Variants in JAM2 observed in about 807,000 individuals in gnomAD.
JAM2 encodes junctional adhesion molecule B.
JAM2 carries 17 observed loss-of-function variants against 42.0 expected under a neutral mutation model. That is an observed-to-expected ratio of 0.40 (90% CI 0.28 to 0.61). The LOEUF is 0.61. JAM2 is among the 20% of genes least tolerant of loss of function. The pLI is 0.37. For missense variants in JAM2, 319 were observed against 358.3 expected (o/e 0.89, Z 0.89); for synonymous variants, 118 against 128.6 (o/e 0.92, Z 0.56).
chr21:25,653,000 T>G (rs1257895173), intron 1 of JAM2, among the ~76,000 whole-genome samples: 1 of 152,190 alleles, frequency 6.6e-6, no homozygotes, highest in Non-Finnish European at 1.5e-5. Flanking sequence ...CTGAAGCAAT[T>G]GACCCTGTTT....
At chr21:25,706,172 T>C in intron 7 of JAM2, 86 bp downstream of exon 7, 1 of 901,984 alleles carries the variant, frequency 1.1e-6, no homozygotes, top group South Asian at 1.4e-5. Context: ...TAGGAAGTTG[T>C]TTTTTTGTTT....
rs1223599546 is a variant in JAM2, at chr21:25,714,743, T to G, written c.*71T>G. ...TTATTAAACTATTATAAAACTCTGCTTTGTCCGACATTTGCAAAGAGGTAC... is the reference window on the plus strand; with the variant it reads ...TTATTAAACTATTATAAAACTCTGCGTTGTCCGACATTTGCAAAGAGGTAC... On this transcript the variant is annotated 3_prime_UTR_variant, in exon 10 of 10. Transcript: ENST00000480456. 6 of 1,028,888 alleles carry G rather than the reference T, an allele frequency of 5.8e-6. No homozygotes were observed. The African/African-American group carries it at 8.4e-5, about 14-fold the overall frequency. The allele number at this position is 1,028,888 out of a possible 1,614,324, so 63.7% of individuals were successfully genotyped here.
chr21:25,644,206 AG>A (rs746591660), intron 1 of JAM2: 1 of 152,244 alleles, frequency 6.6e-6, no homozygotes, highest in Non-Finnish European at 1.5e-5. Flanking sequence ...ACTGTTAACA[AG>A]GCTAGAACTC....
intron 1 of JAM2, among the ~76,000 whole-genome samples, chr21:25,683,032 G>T (rs529186010): frequency 1.2e-4 from 19 of 152,074 alleles, no homozygotes; most frequent in Non-Finnish European, 2.5e-4. Context: ...CAGGACAGGG[G>T]CATGGTGGGA....
At chr21:25,693,260 AT>A (rs201686444) in intron 3 of JAM2, among the ~76,000 whole-genome samples, 31,251 of 145,342 alleles carry the variant, frequency 0.22, 3,108 homozygotes, top group African/African-American at 0.26. Context: ...GCTTTTTTGA[AT>A]TTTTTTTTTT....
Position 25,714,792 on chromosome 21 carries a change from C to A in JAM2, c.*120C>A. Reference sequence around the variant, plus strand: ...ACACGAGGAAATGGAATTGGTATTTCATTTTAATTTTCATGACTACTAACT... The same window carrying A: ...ACACGAGGAAATGGAATTGGTATTTAATTTTAATTTTCATGACTACTAACT... On this transcript the variant is annotated 3_prime_UTR_variant, in exon 10 of 10. Coordinates refer to ENST00000480456, the MANE Select transcript of JAM2 (RefSeq NM_021219.4). 1 of 646,748 alleles carries A rather than the reference C, an allele frequency of 1.5e-6. No individual in the cohort carries two copies. Among genetic ancestry groups the A allele is most frequent in the South Asian group, 3.0e-5 (1 of 33,844 alleles). The allele number at this position is 646,748 out of a possible 1,614,324, so 40.1% of individuals were successfully genotyped here.
At chr21:25,682,919 T>C (rs936465097) in intron 1 of JAM2, among the ~76,000 whole-genome samples, 4 of 152,152 alleles carry the variant, frequency 2.6e-5, no homozygotes, top group African/African-American at 7.2e-5. Flanking sequence ...TCTCCTCATC[T>C]ATCTTTCTTT....
chr21:25,682,633 C>T (rs574251364), intron 1 of JAM2, among the ~76,000 whole-genome samples: 27 of 152,224 alleles, frequency 1.8e-4, no homozygotes, highest in Non-Finnish European at 3.5e-4. Context: ...ACCAGCTAAA[C>T]GGACCCTCTG....
chr21:25,651,790 C>T (rs942883791), intron 1 of JAM2, among the ~76,000 whole-genome samples: 1 of 152,018 alleles, frequency 6.6e-6, no homozygotes, highest in African/African-American at 2.4e-5. Flanking sequence ...GGCACTGTAG[C>T]GATATAAAGG....
At chr21:25,714,169 G>T in intron 9 of JAM2, 2 of 1,301,580 alleles carry the variant, frequency 1.5e-6, no homozygotes. Flanking sequence ...TTGTCTGCTA[G>T]GAGTTAGTTA....
At chr21:25,702,925 T>C (rs1044551277) in intron 6 of JAM2, among the ~76,000 whole-genome samples, 1 of 152,194 alleles carries the variant, frequency 6.6e-6, no homozygotes, top group African/African-American at 2.4e-5. Flanking sequence ...TGATCTCGGC[T>C]CACTGCAACC....
At chr21:25,702,298 T>C (rs2034182971) in intron 6 of JAM2, 29 bp downstream of exon 6, 2 of 1,435,480 alleles carry the variant, frequency 1.4e-6, no homozygotes, top group Admixed American at 3.4e-5. Context: ...GAGGAACAAA[T>C]GGTTTGCAAT....
At chr21:25,675,360 G>A (rs987881944) in intron 1 of JAM2, among the ~76,000 whole-genome samples, 1 of 152,066 alleles carries the variant, frequency 6.6e-6, no homozygotes, top group Admixed American at 6.6e-5. Context: ...ACAGGACATG[G>A]TGGCTCATGC....
At chr21:25,694,252 T>C (rs2033947985) in intron 4 of JAM2, among the ~76,000 whole-genome samples, 1 of 152,166 alleles carries the variant, frequency 6.6e-6, no homozygotes, top group African/African-American at 2.4e-5. Flanking sequence ...CCATTTAAAG[T>C]AGTATCACAT....
chr21:25,662,079 A>G (rs1319074860), intron 1 of JAM2, among the ~76,000 whole-genome samples: 1 of 152,224 alleles, frequency 6.6e-6, no homozygotes, highest in Non-Finnish European at 1.5e-5. Flanking sequence ...ATTTTTGTGC[A>G]AACAGGCTAT....
intron 1 of JAM2, among the ~76,000 whole-genome samples, chr21:25,663,902 C>T (rs146612364): frequency 3.9e-4 from 59 of 152,296 alleles, no homozygotes; most frequent in African/African-American, 1.3e-3. Flanking sequence ...GTGCATGATC[C>T]TATTTTTCCA....
At chr21:25,698,077 G>A (rs893397982) in intron 4 of JAM2, among the ~76,000 whole-genome samples, 20 of 151,988 alleles carry the variant, frequency 1.3e-4, no homozygotes, top group African/African-American at 2.2e-4. Context: ...AGTAGAGATC[G>A]TTTATCTAAT....
intron 1 of JAM2, among the ~76,000 whole-genome samples, chr21:25,678,324 C>T (rs374407068): frequency 2.0e-5 from 3 of 152,192 alleles, no homozygotes; most frequent in African/African-American, 4.8e-5. Flanking sequence ...GCTTGGTCTC[C>T]TGTCTCATTC....
At chr21:25,675,636 G>A (rs1279733617) in intron 1 of JAM2, among the ~76,000 whole-genome samples, 1 of 151,360 alleles carries the variant, frequency 6.6e-6, no homozygotes, top group East Asian at 1.9e-4. Flanking sequence ...AGGAGGGAAA[G>A]AAGGGAGGAA....
Sources: allele counts gnomAD v4.1 joint callset (sites outside exome capture counted in the v4.1 genomes callset), GRCh38; gene constraint gnomAD v4.1.1; transcripts MANE v1.5; gene names NCBI Gene and HGNC (gene_info 2026-07-23, HGNC 2026-07-21).